Variants in CATSPERB observed in about 807,000 individuals in gnomAD.
The protein encoded by CATSPERB is cation channel sperm-associated auxiliary subunit beta.
A neutral mutation model predicts 128.3 loss-of-function variants in CATSPERB; 93 were observed. The observed-to-expected ratio is 0.72, with a 90% CI of 0.61 to 0.86. The LOEUF is 0.86. Among genes scored for constraint, CATSPERB ranks in the 40% least tolerant of loss-of-function variants. The probability of loss-of-function intolerance (pLI) is 0.00; values close to 1 mark genes in which losing one functional copy is unlikely to be tolerated. For synonymous variants in CATSPERB, 381 were observed against 448.8 expected (o/e 0.85, Z 1.91); for missense variants, 1,153 against 1,329.5 (o/e 0.87, Z 2.06).
rs544452862 is a variant in CATSPERB, at chr14:91,729,242, A to G, written c.79+159T>C. ...TAATCCCAGGTACTCGGGATATTAG[A>G]AGCCTCTAGACCAGAGTATAATTGA... On this transcript the variant is annotated intron_variant, in intron 2 of 26. Coordinates refer to ENST00000256343, the MANE Select transcript of CATSPERB (RefSeq NM_024764.4). Among the ~76,000 whole-genome samples the G allele has an allele frequency of 4.6e-5, 7 of 152,246 alleles. No individual in the cohort carries two copies. The East Asian group carries it at 1.2e-3, about 25-fold the overall frequency.
chr14:91,707,660 G>A (rs151293021), intron 6 of CATSPERB, among the ~76,000 whole-genome samples: 49 of 124,618 alleles, frequency 3.9e-4, no homozygotes, highest in African/African-American at 1.5e-3. Context: ...ATACAATGGT[G>A]CAATCCTGGC....
intron 7 of CATSPERB, among the ~76,000 whole-genome samples, chr14:91,702,541 A>T (rs1895667441): frequency 6.6e-6 from 1 of 151,806 alleles, no homozygotes; most frequent in South Asian, 2.1e-4. Context: ...CTTTATAATA[A>T]GTCATGCTAG....
intron 17 of CATSPERB, among the ~76,000 whole-genome samples, chr14:91,627,371 G>A (rs1894184458): frequency 1.3e-5 from 2 of 152,152 alleles, no homozygotes; most frequent in South Asian, 4.1e-4. Flanking sequence ...ATTCTCCTTG[G>A]TTCTGTAACT....
intron 13 of CATSPERB, among the ~76,000 whole-genome samples, 184 bp from the exon 14 acceptor site, chr14:91,670,156 A>G (rs1566725660): frequency 6.6e-6 from 1 of 152,172 alleles, no homozygotes; most frequent in Non-Finnish European, 1.5e-5. Flanking sequence ...CACCCATCTT[A>G]TAGTTGTTGA....
At chr14:91,664,008 G>A (rs1176070026) in intron 14 of CATSPERB, among the ~76,000 whole-genome samples, 6 of 151,966 alleles carry the variant, frequency 3.9e-5, no homozygotes, top group Non-Finnish European at 8.8e-5. Context: ...ACATCCTATG[G>A]ACTTAGACAA....
chr14:91,684,539 A>T (rs1019189798), intron 10 of CATSPERB, among the ~76,000 whole-genome samples: 1 of 151,238 alleles, frequency 6.6e-6, no homozygotes, highest in South Asian at 2.1e-4. Context: ...TAAAATCTGT[A>T]TGATCTGTGT....
chr14:91,624,345 G>A (rs35787176), intron 18 of CATSPERB, among the ~76,000 whole-genome samples: 9,585 of 152,322 alleles, frequency 0.063, 735 homozygotes, highest in East Asian at 0.4. Context: ...TTAGCTGGGC[G>A]TGGCAGCATG....
chr14:91,610,124 G>A (rs1232128928), intron 21 of CATSPERB, among the ~76,000 whole-genome samples: 1 of 152,172 alleles, frequency 6.6e-6, no homozygotes, highest in Non-Finnish European at 1.5e-5. Flanking sequence ...AAATCCGCAT[G>A]TAAGTGGACC....
At chr14:91,666,285 G>A (rs1285616) in intron 14 of CATSPERB, among the ~76,000 whole-genome samples, 28,117 of 152,166 alleles carry the variant, frequency 0.18, 2,760 homozygotes, top group South Asian at 0.24. Context: ...GGCTGCGGGG[G>A]TTCCTTGGAA....
chr14:91,594,343 G>A (rs1893465083), intron 22 of CATSPERB, among the ~76,000 whole-genome samples: 1 of 151,992 alleles, frequency 6.6e-6, no homozygotes, highest in Admixed American at 6.6e-5. Flanking sequence ...GGGGGGATGG[G>A]GGAGGGATAG....
intron 10 of CATSPERB, among the ~76,000 whole-genome samples, chr14:91,689,976 T>A (rs539042502): frequency 6.2e-4 from 94 of 152,256 alleles, no homozygotes; most frequent in African/African-American, 2.2e-3. Flanking sequence ...AATGTATAAC[T>A]TATTTTTAAT....
At chr14:91,649,642 G>A (rs114666753) in intron 15 of CATSPERB, among the ~76,000 whole-genome samples, 2,015 of 120,904 alleles carry the variant, frequency 0.017, 96 homozygotes, top group African/African-American at 0.06. Flanking sequence ...GATTACAGAC[G>A]CCCGCCAGCA....
chr14:91,662,122 C>G (rs1407723378), intron 14 of CATSPERB, among the ~76,000 whole-genome samples: 1 of 151,924 alleles, frequency 6.6e-6, no homozygotes, highest in Admixed American at 6.6e-5. Context: ...CGGCATATTG[C>G]TAGTAATTTA....
chr14:91,646,904 C>T (rs1450574921), intron 15 of CATSPERB, among the ~76,000 whole-genome samples: 8 of 152,332 alleles, frequency 5.3e-5, no homozygotes, highest in East Asian at 1.9e-4. Context: ...TCTATTCATG[C>T]TTTAATAAAT....
intron 20 of CATSPERB, among the ~76,000 whole-genome samples, chr14:91,614,735 G>T (rs1217959902): frequency 2.0e-5 from 3 of 152,186 alleles, no homozygotes; most frequent in African/African-American, 4.8e-5. Flanking sequence ...GGTCAAGGCT[G>T]CAGTGAGCTG....
At chr14:91,612,971 A>ATAC (rs1381838636) in intron 20 of CATSPERB, among the ~76,000 whole-genome samples, 2 of 152,192 alleles carry the variant, frequency 1.3e-5, no homozygotes, top group African/African-American at 4.8e-5. Flanking sequence ...AAACAACCAT[A>ATAC]TACTGTGTGA....
At chr14:91,621,503 G>A in intron 19 of CATSPERB, 105 bp downstream of exon 19, 1 of 896,580 alleles carries the variant, frequency 1.1e-6, no homozygotes, top group Non-Finnish European at 1.7e-6. Context: ...ATGCCAACAA[G>A]TATGGGAACC....
intron 5 of CATSPERB, among the ~76,000 whole-genome samples, chr14:91,712,897 G>A (rs1321148517): frequency 2.0e-5 from 3 of 152,264 alleles, no homozygotes; most frequent in South Asian, 2.1e-4. Context: ...GAAAACCTAC[G>A]CAGACATGGG....
At chr14:91,597,912 AT>A (rs1273544961) in intron 22 of CATSPERB, among the ~76,000 whole-genome samples, 2 of 152,140 alleles carry the variant, frequency 1.3e-5, no homozygotes, top group Non-Finnish European at 2.9e-5. Context: ...ACATTAAAAC[AT>A]TTTTTATCTC....
Sources: allele counts gnomAD v4.1 joint callset (sites outside exome capture counted in the v4.1 genomes callset), GRCh38; gene constraint gnomAD v4.1.1; transcripts MANE v1.5; gene names NCBI Gene and HGNC (gene_info 2026-07-23, HGNC 2026-07-21).